SCHIP1: variants seen among roughly 807,000 people sequenced by gnomAD.
SCHIP1 encodes schwannomin-interacting protein 1.
In SCHIP1, 8 loss-of-function variants were observed where a neutral mutation model predicts 29.7. The observed-to-expected ratio is 0.27, with a 90% CI of 0.16 to 0.49. The LOEUF (loss-of-function observed/expected upper bound fraction) is 0.49, where lower values mean the gene tolerates loss of function less well. Ranked by LOEUF, SCHIP1 falls within the 20% of genes least tolerant of loss-of-function variation. The pLI is 0.99. For synonymous variants in SCHIP1, 76 were observed against 94.9 expected (o/e 0.80, Z 1.16); for missense variants, 193 against 294.6 (o/e 0.66, Z 2.52).
At chr3:159,781,178 A>G in the SCHIP1 span, among the ~76,000 whole-genome samples, 1 of 151,978 alleles carries the variant, frequency 6.6e-6, no homozygotes, top group Admixed American at 6.6e-5. Flanking sequence ...AGCAAGAGTT[A>G]TTTATTTATT....
At chr3:159,857,127 G>A (rs1200870706) in intron 1 of SCHIP1, among the ~76,000 whole-genome samples, 2 of 152,208 alleles carry the variant, frequency 1.3e-5, no homozygotes, top group African/African-American at 4.8e-5. Flanking sequence ...GGTCTTAGAT[G>A]TTATAAATAT....
chr3:159,517,836 G>A, the SCHIP1 span, among the ~76,000 whole-genome samples: 16 of 152,036 alleles, frequency 1.1e-4, 1 homozygote, highest in African/African-American at 3.6e-4. Context: ...TTAAAAGACA[G>A]AAAAAACAGC....
the SCHIP1 span, among the ~76,000 whole-genome samples, chr3:159,569,169 G>T: frequency 6.6e-6 from 1 of 151,534 alleles, no homozygotes; most frequent in Non-Finnish European, 1.5e-5. Context: ...TCCAATTACT[G>T]GTTTTTTTTT....
the SCHIP1 span, among the ~76,000 whole-genome samples, chr3:159,694,537 CAAGAAAGAA>C: frequency 1.7e-5 from 2 of 119,348 alleles, no homozygotes; most frequent in Non-Finnish European, 3.4e-5. Flanking sequence ...AAAGAAAAGA[CAAGAAAGAA>C]AGAAAGAAAG....
chr3:159,834,456 G>C, the SCHIP1 span, among the ~76,000 whole-genome samples: 1 of 152,028 alleles, frequency 6.6e-6, no homozygotes, highest in Non-Finnish European at 1.5e-5. Flanking sequence ...CAAACTTCTC[G>C]AGGGCAGAAA....
the SCHIP1 span, among the ~76,000 whole-genome samples, chr3:159,633,122 T>C: frequency 6.6e-6 from 1 of 152,200 alleles, no homozygotes; most frequent in African/African-American, 2.4e-5. Context: ...TTTTAAACTC[T>C]GCAGTCTCAT....
At chr3:159,431,153 A>C in the SCHIP1 span, among the ~76,000 whole-genome samples, 1 of 152,094 alleles carries the variant, frequency 6.6e-6, no homozygotes, top group Non-Finnish European at 1.5e-5. Context: ...AACACAAAAC[A>C]ACACAAAGAG....
At chr3:159,687,544 C>G in the SCHIP1 span, among the ~76,000 whole-genome samples, 5 of 152,130 alleles carry the variant, frequency 3.3e-5, no homozygotes, top group East Asian at 9.6e-4. Context: ...AAAAATTTCT[C>G]TTATTCAGAA....
chr3:159,897,260 G>GTTCCT, exon 7 of SCHIP1: 1 of 152,858 alleles, frequency 6.5e-6, no homozygotes, highest in African/African-American at 2.4e-5. Flanking sequence ...ACTACCTGAA[G>GTTCCT]TTCCTTTTTA....
the SCHIP1 span, among the ~76,000 whole-genome samples, chr3:159,645,116 G>A: frequency 1.8e-4 from 27 of 152,136 alleles, no homozygotes; most frequent in African/African-American, 6.0e-4. Flanking sequence ...TTATTCCAGC[G>A]GGAAGAAAAC....
the SCHIP1 span, among the ~76,000 whole-genome samples, chr3:159,528,261 T>G: frequency 3.9e-5 from 6 of 152,200 alleles, no homozygotes; most frequent in African/African-American, 1.2e-4. Context: ...TTAAATGTAC[T>G]CATTTACATT....
At chr3:159,763,700 T>C in the SCHIP1 span, 1 of 152,044 alleles carries the variant, frequency 6.6e-6, no homozygotes, top group Non-Finnish European at 1.5e-5. Flanking sequence ...CCTAGGGCGG[T>C]GACGGCGCCT....
the SCHIP1 span, among the ~76,000 whole-genome samples, chr3:159,585,357 G>A: frequency 6.6e-6 from 1 of 152,132 alleles, no homozygotes; most frequent in Non-Finnish European, 1.5e-5. Flanking sequence ...CACTATTCCA[G>A]AGACAACTTG....
At chr3:159,676,656 T>C in the SCHIP1 span, among the ~76,000 whole-genome samples, 3 of 152,182 alleles carry the variant, frequency 2.0e-5, no homozygotes, top group African/African-American at 7.2e-5. Flanking sequence ...AAAACCCACA[T>C]GTCTGGAGGA....
chr3:159,673,254 A>G, the SCHIP1 span, among the ~76,000 whole-genome samples: 1 of 152,176 alleles, frequency 6.6e-6, no homozygotes, highest in Non-Finnish European at 1.5e-5. Context: ...ATGCAACAGT[A>G]AGGTACAAAG....
the SCHIP1 span, among the ~76,000 whole-genome samples, chr3:159,581,410 G>A: frequency 6.6e-6 from 1 of 152,166 alleles, no homozygotes; most frequent in Non-Finnish European, 1.5e-5. Context: ...GCAAACAGTA[G>A]CCTATAAGAG....
the SCHIP1 span, among the ~76,000 whole-genome samples, chr3:159,415,594 A>G: frequency 6.6e-6 from 1 of 152,182 alleles, no homozygotes; most frequent in Non-Finnish European, 1.5e-5. Flanking sequence ...AATAGTATCC[A>G]GCTCCATCCA....
chr3:159,779,431 G>T, the SCHIP1 span, among the ~76,000 whole-genome samples: 2 of 151,764 alleles, frequency 1.3e-5, no homozygotes, highest in Admixed American at 1.3e-4. Flanking sequence ...ACTTTGGGAG[G>T]CCTGAGTGGG....
chr3:159,750,253 A>ATG, the SCHIP1 span, among the ~76,000 whole-genome samples: 342 of 32,400 alleles, frequency 0.011, 2 homozygotes, highest in East Asian at 0.026. Flanking sequence ...ATAGGTGTGT[A>ATG]TGTGTGTGTG....
Sources: gnomAD v4.1 joint callset for allele counts (sites outside exome capture counted in the v4.1 genomes callset) on GRCh38, gnomAD v4.1.1 for gene constraint, MANE v1.5 for transcripts, NCBI Gene and HGNC (gene_info 2026-07-23, HGNC 2026-07-21) for gene names.